EPRS1: variants seen among roughly 807,000 people sequenced by gnomAD.
EPRS1 encodes glutamyl-prolyl-tRNA synthetase 1.
EPRS1 carries 107 observed loss-of-function variants against 188.3 expected under a neutral mutation model. The observed-to-expected ratio is 0.57, with a 90% CI of 0.49 to 0.67. The LOEUF (loss-of-function observed/expected upper bound fraction) is 0.67. Among genes scored for constraint, EPRS1 ranks in the 30% least tolerant of loss-of-function variants. The pLI is 0.00. For synonymous variants in EPRS1, 596 were observed against 593.1 expected, an observed-to-expected ratio of 1.00 and a Z score of -0.07; for missense variants, 1,577 against 1,802.2, an observed-to-expected ratio of 0.88 and a Z score of 2.26.
intron 3 of EPRS1, among the ~76,000 whole-genome samples, chr1:220,034,375 C>A (rs1471014710): frequency 6.6e-6 from 1 of 152,080 alleles, no homozygotes; most frequent in African/African-American, 2.4e-5. Context: ...TTTGTAGGTA[C>A]ACTCTATGAT....
chr1:219,992,918 C>CAAA, intron 18 of EPRS1, among the ~76,000 whole-genome samples: 1 of 149,590 alleles, frequency 6.7e-6, no homozygotes, highest in East Asian at 2.0e-4. Context: ...GACTCCGTCT[C>CAAA]AAAAAAAAAA....
At chr1:220,027,589 C>CAAAAAAAA (rs374947643) in intron 6 of EPRS1, among the ~76,000 whole-genome samples, 1 of 78,556 alleles carries the variant, frequency 1.3e-5, no homozygotes. Context: ...GAGGCTATGT[C>CAAAAAAAA]AAAAAAAAAA....
intron 14 of EPRS1, among the ~76,000 whole-genome samples, chr1:220,006,578 A>T (rs1203963629): frequency 6.6e-6 from 1 of 152,118 alleles, no homozygotes; most frequent in Admixed American, 6.5e-5. Flanking sequence ...ATTCACATAC[A>T]ATTGATGAGG....
intron 1 of EPRS1, among the ~76,000 whole-genome samples, chr1:220,041,734 G>C (rs1662298632): frequency 6.6e-6 from 1 of 152,122 alleles, no homozygotes; most frequent in African/African-American, 2.4e-5. Context: ...CAGCTACTCA[G>C]GAGGCTGAGG....
chr1:220,039,790 T>A (rs1194916782), intron 2 of EPRS1, among the ~76,000 whole-genome samples: 5 of 152,200 alleles, frequency 3.3e-5, no homozygotes, highest in African/African-American at 7.2e-5. Flanking sequence ...AGTGCCGGGA[T>A]TACAGGTGTG....
chr1:220,039,305 A>G (rs996084968), intron 2 of EPRS1, among the ~76,000 whole-genome samples: 1 of 152,130 alleles, frequency 6.6e-6, no homozygotes, highest in Non-Finnish European at 1.5e-5. Flanking sequence ...GGCCAGTCCA[A>G]TTAAATAACC....
In EPRS1 at chr1:219,968,739, T is replaced by C; in HGVS notation, c.*67A>G. ...AAAAAATCATAAAACGGTCTGTATC[T>C]GAGAAGATACTAATATCAATGCTTT... is the stretch of plus-strand genomic sequence containing the variant. On this transcript the variant is annotated 3_prime_UTR_variant, in exon 32 of 32. Coordinates refer to ENST00000366923, the MANE Select transcript of EPRS1 (RefSeq NM_004446.3). The C allele has an allele frequency of 6.8e-7, 1 of 1,477,542 alleles. No individual in the cohort carries two copies. The highest frequency in any genetic ancestry group is 9.4e-7 in the Non-Finnish European group (1 of 1,059,744). The allele number at this position is 1,477,542 out of a possible 1,614,324, so 91.5% of individuals were successfully genotyped here. A position where few individuals can be genotyped will look rare whatever the true frequency, so the allele number is the denominator to read the frequency against.
intron 6 of EPRS1, among the ~76,000 whole-genome samples, chr1:220,027,345 G>A (rs936607977): frequency 1.3e-5 from 2 of 151,918 alleles, no homozygotes; most frequent in South Asian, 2.1e-4. Context: ...GGAGAATGGC[G>A]TGAACCCGGG....
At chr1:220,010,758 C>T (rs140370250) in intron 13 of EPRS1, among the ~76,000 whole-genome samples, 188 bp downstream of exon 13, 2,835 of 149,934 alleles carry the variant, frequency 0.019, 82 homozygotes, top group African/African-American at 0.058. Context: ...TGCAGTGAGC[C>T]GAGATCGCCC....
At chr1:219,992,729 C>T (rs746356790) in intron 18 of EPRS1, among the ~76,000 whole-genome samples, 26 of 152,222 alleles carry the variant, frequency 1.7e-4, no homozygotes, top group East Asian at 3.9e-4. Flanking sequence ...GAGTTCGAGA[C>T]CAGCCTAACA....
intron 12 of EPRS1, chr1:220,018,181 T>C: frequency 7.1e-7 from 1 of 1,408,996 alleles, no homozygotes; most frequent in South Asian, 1.2e-5. Context: ...AGAGTGTTCA[T>C]AAAAAATTTA....
At chr1:220,021,740 A>G (rs1661881556) in intron 9 of EPRS1, among the ~76,000 whole-genome samples, 1 of 152,238 alleles carries the variant, frequency 6.6e-6, no homozygotes, top group Non-Finnish European at 1.5e-5. Flanking sequence ...AAGTCACATC[A>G]GCTAACCAAG....
chr1:220,016,577 A>AT lies in EPRS1; in HGVS notation c.1494+1871dup, dbSNP rs57664248. 1.7e-3 allele frequency among the ~76,000 whole-genome samples: 120 copies of AT among 69,610 alleles called. 2 individuals carry two copies. The highest frequency in any genetic ancestry group is 2.2e-3 in the Admixed American group (10 of 4,628). The allele number at this position is 69,610 out of a possible 152,430, so 45.7% of individuals were successfully genotyped here. ...AAGCATGCACGACCAGGCCTAGCTA[A>AT]TTTTTTTTTTTTTTTTTTTTTTGGA... On this transcript the variant is annotated intron_variant, in intron 12 of 31. Coordinates refer to ENST00000366923, the MANE Select transcript of EPRS1 (RefSeq NM_004446.3).
intron 30 of EPRS1, among the ~76,000 whole-genome samples, chr1:219,971,135 A>G (rs1660657142): frequency 6.6e-6 from 1 of 152,184 alleles, no homozygotes; most frequent in African/African-American, 2.4e-5. Flanking sequence ...AATTCTGTAT[A>G]GTTTGGGGTA....
intron 13 of EPRS1, among the ~76,000 whole-genome samples, chr1:220,008,512 A>G (rs1661540466): frequency 1.3e-5 from 2 of 152,294 alleles, no homozygotes; most frequent in South Asian, 4.1e-4. Context: ...TGTTTTAACA[A>G]CAGATAACAT....
intron 6 of EPRS1, among the ~76,000 whole-genome samples, chr1:220,027,589 C>CA (rs374947643): frequency 0.06 from 4,681 of 78,496 alleles, 424 homozygotes; most frequent in African/African-American, 0.15. Flanking sequence ...GAGGCTATGT[C>CA]AAAAAAAAAA....
intron 1 of EPRS1, among the ~76,000 whole-genome samples, chr1:220,041,187 C>T (rs1662287233): frequency 6.6e-6 from 1 of 151,898 alleles, no homozygotes; most frequent in Non-Finnish European, 1.5e-5. Context: ...CAAAAATTAG[C>T]TAGGCATAGT....
At chr1:220,044,542 T>C (rs1171148094) in intron 1 of EPRS1, among the ~76,000 whole-genome samples, 2 of 151,960 alleles carry the variant, frequency 1.3e-5, no homozygotes, top group East Asian at 3.9e-4. Flanking sequence ...CTGGCCAACA[T>C]GGCAAAATGC....
intron 30 of EPRS1, among the ~76,000 whole-genome samples, 188 bp downstream of exon 30, chr1:219,971,879 CAT>C (rs1211361700): frequency 2.1e-5 from 3 of 144,664 alleles, no homozygotes; most frequent in South Asian, 2.2e-4. Context: ...ATTTATATGA[CAT>C]ATAAATGTAA....
Sources: allele counts gnomAD v4.1 joint callset (sites outside exome capture counted in the v4.1 genomes callset), GRCh38; gene constraint gnomAD v4.1.1; transcripts MANE v1.5; gene names NCBI Gene and HGNC (gene_info 2026-07-23, HGNC 2026-07-21).